The following TMEM164 variants were observed in gnomAD, a reference collection of about 807,000 sequenced individuals.
The protein encoded by TMEM164 is RP13-360B22.2.
In TMEM164, 4 loss-of-function variants were observed where a neutral mutation model predicts 18.8. That is an observed-to-expected ratio of 0.21 (90% CI 0.10 to 0.49). The LOEUF (loss-of-function observed/expected upper bound fraction) is 0.49. Among genes scored for constraint, TMEM164 ranks in the 20% least tolerant of loss-of-function variants. The probability of loss-of-function intolerance (pLI) is 0.98; values close to 1 mark genes in which losing one functional copy is unlikely to be tolerated. For missense variants in TMEM164, 108 were observed against 239.9 expected, an observed-to-expected ratio of 0.45 and a Z score of 3.63; for synonymous variants, 86 against 101.7, an observed-to-expected ratio of 0.85 and a Z score of 0.93.
intron 3 of TMEM164, among the ~76,000 whole-genome samples, chrX:110,085,599 G>A (rs916261340): frequency 9.0e-6 from 1 of 111,132 alleles, no homozygotes; most frequent in South Asian, 3.8e-4. Flanking sequence ...CAGCTCCATT[G>A]TTGGCAGGCA....
intron 2 of TMEM164, among the ~76,000 whole-genome samples, chrX:110,042,795 A>T (rs759134208): frequency 1.8e-5 from 2 of 112,339 alleles, no homozygotes; most frequent in Non-Finnish European, 3.8e-5. Context: ...AGTTTATTTC[A>T]TGTGCTTATT....
chrX:110,081,825 C>G (rs1291959385), intron 3 of TMEM164, among the ~76,000 whole-genome samples: 2 of 111,969 alleles, frequency 1.8e-5, no homozygotes, highest in Non-Finnish European at 3.8e-5. Flanking sequence ...TACCAGCTTC[C>G]CAGCTAACCA....
intron 3 of TMEM164, among the ~76,000 whole-genome samples, chrX:110,095,789 T>G (rs1337965815): frequency 1.8e-5 from 2 of 112,505 alleles, no homozygotes; most frequent in Admixed American, 1.9e-4. Context: ...TCAGCTTTTC[T>G]GCTCTGGTTT....
intron 2 of TMEM164, among the ~76,000 whole-genome samples, chrX:110,035,564 C>A (rs1481658729): frequency 2.8e-5 from 3 of 108,884 alleles, no homozygotes; most frequent in Non-Finnish European, 5.7e-5. Flanking sequence ...AGTGCAGTGG[C>A]ACGATCTCAG....
At position 110,177,178 on chromosome X, in the gene TMEM164, A is replaced by C. The variant is rs779149719; in HGVS notation, c.*3727A>C. The stretch of plus-strand genomic sequence containing the variant: ...ACAAAGCCCCATGAAAAATAAAACA[A>C]AACAAAAGTCATTTCAAACAAAGCT... On this transcript the variant is annotated 3_prime_UTR_variant, in exon 7 of 7. Coordinates refer to ENST00000372068, the MANE Select transcript of TMEM164 (RefSeq NM_032227.4). 4.2e-4 allele frequency: 47 copies of C among 112,953 alleles called. No homozygotes were observed. The highest frequency in any genetic ancestry group is 1.5e-3 in the African/African-American group (46 of 31,120). 9.3% of individuals were successfully genotyped at this position (112,953 alleles called of 1,213,427 possible).
At chrX:110,181,606 T>C, downstream of TMEM164, among the ~76,000 whole-genome samples, 1 of 113,477 alleles carries the variant, frequency 8.8e-6, no homozygotes, top group East Asian at 2.7e-4. Context: ...TGTTGTCCTG[T>C]AGTAGTCAAA....
intron 4 of TMEM164, among the ~76,000 whole-genome samples, chrX:110,131,631 A>G (rs1330366781): frequency 9.1e-6 from 1 of 109,955 alleles, no homozygotes; most frequent in Non-Finnish European, 1.9e-5. Context: ...TGGCCTCCAC[A>G]TACAAGCCAA....
At chrX:110,110,274 A>G (rs2061288785) in intron 4 of TMEM164, among the ~76,000 whole-genome samples, 2 of 111,972 alleles carry the variant, frequency 1.8e-5, no homozygotes, top group African/African-American at 3.3e-5. Flanking sequence ...GATGCATGTC[A>G]TATATCAGTA....
intron 4 of TMEM164, among the ~76,000 whole-genome samples, chrX:110,124,192 C>A (rs866831400): frequency 2.4e-4 from 22 of 90,692 alleles, no homozygotes; most frequent in African/African-American, 5.2e-4. Flanking sequence ...GGAAGGCAGG[C>A]AGGCAGGCAG....
At chrX:110,098,988 C>T (rs1277052264) in intron 3 of TMEM164, among the ~76,000 whole-genome samples, 2 of 92,803 alleles carry the variant, frequency 2.2e-5, no homozygotes, top group East Asian at 3.2e-4. Flanking sequence ...TTAGTAGAGA[C>T]GGGGTTTCAT....
intron 3 of TMEM164, among the ~76,000 whole-genome samples, chrX:110,094,857 C>G (rs1442073936): frequency 9.0e-6 from 1 of 111,706 alleles, no homozygotes; most frequent in African/African-American, 3.3e-5. Flanking sequence ...TTCAGGAGCT[C>G]TTGTAAGGCA....
intron 5 of TMEM164, among the ~76,000 whole-genome samples, chrX:110,161,698 G>A (rs1377099661): frequency 4.5e-5 from 5 of 112,282 alleles, no homozygotes; most frequent in Non-Finnish European, 9.4e-5. Flanking sequence ...CAGGTCTCTT[G>A]GTTCATCTTC....
rs375361577 is a variant in TMEM164 at position 110,003,749 on chromosome X, C to T, written c.-26C>T. The T allele has an allele frequency of 4.3e-6, 5 of 1,171,354 alleles. No individual in the cohort carries two copies. The African/African-American group carries it at 7.1e-5, about 17-fold the overall frequency. ...TTCCATCTCACTCTTGCTTCCTGTA[C>T]TGTGGTCAAGGGGAACCACTGCATC... is the stretch of plus-strand genomic sequence containing the variant. On this transcript the variant is annotated 5_prime_UTR_variant, in exon 2 of 7. Transcript: ENST00000372068.
intron 3 of TMEM164, among the ~76,000 whole-genome samples, chrX:110,091,032 T>C (rs772215048): frequency 9.0e-6 from 1 of 111,635 alleles, no homozygotes; most frequent in South Asian, 3.7e-4. Context: ...ACAAAGGACA[T>C]GAACTCATCC....
chrX:110,140,457 G>A (rs1192821185), intron 4 of TMEM164, among the ~76,000 whole-genome samples: 1 of 111,874 alleles, frequency 8.9e-6, no homozygotes. Context: ...CTGCTCAGGT[G>A]ACTGATGTAA....
intron 2 of TMEM164, among the ~76,000 whole-genome samples, chrX:110,041,405 A>C (rs1423823327): frequency 1.8e-5 from 2 of 111,761 alleles, no homozygotes; most frequent in Non-Finnish European, 3.8e-5. Flanking sequence ...TACTGTGTGA[A>C]GGGTTCACCG....
chrX:110,119,750 G>A (rs1276196390), intron 4 of TMEM164, among the ~76,000 whole-genome samples: 1 of 111,390 alleles, frequency 9.0e-6, no homozygotes, highest in Non-Finnish European at 1.9e-5. Context: ...AGGGCCTGGC[G>A]CATAGGAGAT....
At chrX:110,095,479 G>A (rs1021942889) in intron 3 of TMEM164, among the ~76,000 whole-genome samples, 1 of 111,893 alleles carries the variant, frequency 8.9e-6, no homozygotes, top group African/African-American at 3.2e-5. Context: ...ATCAGCTACT[G>A]AAGCTTGTGC....
chrX:110,004,173 G>T lies in TMEM164; in HGVS notation c.390+9G>T, dbSNP rs1252089025. ...TGGTCACCATGATGCATGTGAGTCT[G>T]TTGACTTTTTCCTGGGCATCCTAAG... On this transcript the variant is annotated intron_variant, in intron 2 of 6. Transcript: ENST00000372068. 2 of 1,182,657 alleles carry T rather than the reference G, an allele frequency of 1.7e-6. No individual in the cohort carries two copies. The highest frequency in any genetic ancestry group is 3.5e-5 in the African/African-American group (2 of 56,450).
Sources: allele counts gnomAD v4.1 joint callset (sites outside exome capture counted in the v4.1 genomes callset), GRCh38; gene constraint gnomAD v4.1.1; transcripts MANE v1.5; gene names NCBI Gene and HGNC (gene_info 2026-07-23, HGNC 2026-07-21).